Variants in MAEL observed in about 807,000 individuals in gnomAD.
MAEL encodes maelstrom spermatogenic transposon silencer.
A neutral mutation model predicts 62.0 loss-of-function variants in MAEL; 46 were observed. The ratio of observed to expected loss-of-function variants is 0.74; its 90% CI spans 0.59 to 0.95. The LOEUF (loss-of-function observed/expected upper bound fraction) is 0.95. Ranked by LOEUF, MAEL falls within the 40% of genes least tolerant of loss-of-function variation. MAEL has a pLI of 0.00. For missense variants in MAEL, 497 were observed against 526.8 expected, an observed-to-expected ratio of 0.94 and a Z score of 0.55; for synonymous variants, 172 against 175.5, an observed-to-expected ratio of 0.98 and a Z score of 0.16.
chr1:167,019,350 T>A (rs1009730443), intron 10 of MAEL, among the ~76,000 whole-genome samples: 2 of 152,138 alleles, frequency 1.3e-5, no homozygotes, highest in African/African-American at 4.8e-5. Flanking sequence ...TTAATCTCAA[T>A]AATGTGCCTT....
At chr1:166,997,492 A>C (rs1205229406) in intron 5 of MAEL, among the ~76,000 whole-genome samples, 1 of 151,858 alleles carries the variant, frequency 6.6e-6, no homozygotes, top group African/African-American at 2.4e-5. Flanking sequence ...TGTATTTTTT[A>C]CTCTCTTTAT....
Position 167,021,760 on chromosome 1 carries a change from TC to T in MAEL, c.1212del (p.Ser405AlafsTer39). On this transcript the variant is annotated frameshift_variant, in exon 12 of 12. Coordinates refer to ENST00000367872, the MANE Select transcript of MAEL (RefSeq NM_032858.3). LOFTEE classifies it high-confidence loss of function. ...TRLLESISNS[S>X]SNIHKFSNCD... ...CTTACTAGAGAGCATTTCCAATTCT[TC>T]CAGCAATATCCACAAATTCTCCAAC... 6.2e-7 allele frequency: 1 copy of T among 1,613,224 alleles called. No individual in the cohort carries two copies. The highest frequency in any genetic ancestry group is 8.5e-7 in the Non-Finnish European group (1 of 1,179,402).
chr1:166,977,449 A>G (rs574521500), intron 1 of MAEL, among the ~76,000 whole-genome samples: 1 of 152,284 alleles, frequency 6.6e-6, no homozygotes, highest in Non-Finnish European at 1.5e-5. Context: ...GCATTTAACT[A>G]ACTTCTCTAA....
intron 8 of MAEL, among the ~76,000 whole-genome samples, chr1:167,007,014 A>G (rs1305474938): frequency 2.6e-5 from 4 of 152,090 alleles, no homozygotes. Context: ...AAACTTTCAT[A>G]TACAAATTTT....
At chr1:167,002,199 C>T (rs1424751556) in intron 5 of MAEL, among the ~76,000 whole-genome samples, 1 of 152,052 alleles carries the variant, frequency 6.6e-6, no homozygotes, top group Non-Finnish European at 1.5e-5. Context: ...TGTTTTAGGA[C>T]TTTTCCATTT....
chr1:167,006,662 G>C (rs1241151402), intron 8 of MAEL, among the ~76,000 whole-genome samples: 1 of 125,522 alleles, frequency 8.0e-6, no homozygotes, highest in Non-Finnish European at 1.6e-5. Flanking sequence ...TTGAGACAGA[G>C]TCTTGCTGTA....
At chr1:167,011,845 A>AATGTCAAG (rs1665182488) in intron 8 of MAEL, among the ~76,000 whole-genome samples, 1 of 152,194 alleles carries the variant, frequency 6.6e-6, no homozygotes, top group South Asian at 2.1e-4. Context: ...TTTTGGTTAA[A>AATGTCAAG]ATGTCAAGAA....
At chr1:166,980,962 G>A (rs557356642) in intron 1 of MAEL, among the ~76,000 whole-genome samples, 5 of 152,288 alleles carry the variant, frequency 3.3e-5, no homozygotes, top group Admixed American at 3.3e-4. Flanking sequence ...CCTGGCATAG[G>A]TCAAAGACAG....
chr1:167,017,452 G>A (rs1024875761), intron 9 of MAEL, among the ~76,000 whole-genome samples: 12 of 152,124 alleles, frequency 7.9e-5, no homozygotes, highest in African/African-American at 2.9e-4. Flanking sequence ...CAGATAACCT[G>A]GGTGCTCTGG....
intron 5 of MAEL, among the ~76,000 whole-genome samples, chr1:166,994,869 G>T (rs1026035396): frequency 6.6e-6 from 1 of 151,222 alleles, no homozygotes; most frequent in African/African-American, 2.4e-5. Flanking sequence ...AGGGTTTCAC[G>T]ATGTTGGCCA....
intron 5 of MAEL, among the ~76,000 whole-genome samples, chr1:166,998,691 C>T (rs1664531295): frequency 6.6e-6 from 1 of 152,168 alleles, no homozygotes; most frequent in African/African-American, 2.4e-5. Flanking sequence ...CCTCTACATG[C>T]ACACCTTGTT....
In MAEL at chr1:167,020,390, C is replaced by T. The variant is rs180818395; in HGVS notation, c.1042-695C>T. Among the ~76,000 whole-genome samples the T allele has an allele frequency of 4.6e-5, 7 of 152,224 alleles. No individual in the cohort carries two copies. In the East Asian group the frequency reaches 9.7e-4, roughly 21 times the overall value. ...CCTCCTATGCCTGTGACACTAAATGCGGCTGGAAAGGAACTACCACGCTGA... is the reference window on the plus strand; with the variant it reads ...CCTCCTATGCCTGTGACACTAAATGTGGCTGGAAAGGAACTACCACGCTGA... On this transcript the variant is annotated intron_variant, in intron 10 of 11. Transcript: ENST00000367872.
intron 8 of MAEL, among the ~76,000 whole-genome samples, chr1:167,011,167 T>C (rs1315832588): frequency 1.3e-5 from 2 of 152,212 alleles, no homozygotes; most frequent in African/African-American, 2.4e-5. Flanking sequence ...TCTTAGGCTC[T>C]CCATTTTCTT....
At chr1:167,014,652 T>C (rs1244729250) in intron 8 of MAEL, among the ~76,000 whole-genome samples, 4 of 152,226 alleles carry the variant, frequency 2.6e-5, no homozygotes, top group African/African-American at 7.2e-5. Context: ...TCTGTGAAGA[T>C]AGAATTTCTT....
At chr1:166,986,240 T>C (rs1663908550), upstream of MAEL, among the ~76,000 whole-genome samples, 1 of 147,592 alleles carries the variant, frequency 6.8e-6, no homozygotes, top group African/African-American at 2.6e-5. Flanking sequence ...GGGATGGATA[T>C]GTTCATTATC....
At chr1:166,996,523 T>A (rs1664434047) in intron 5 of MAEL, among the ~76,000 whole-genome samples, 1 of 152,206 alleles carries the variant, frequency 6.6e-6, no homozygotes, top group African/African-American at 2.4e-5. Flanking sequence ...CAGAACAGAT[T>A]ATAACATTTA....
chr1:166,978,401 G>T (rs1487561019), intron 1 of MAEL, among the ~76,000 whole-genome samples: 3 of 152,130 alleles, frequency 2.0e-5, no homozygotes, highest in Non-Finnish European at 2.9e-5. Flanking sequence ...TATATGTAAT[G>T]ATTCAAAACA....
chr1:167,021,234 T>A, intron 11 of MAEL, 74 bp downstream of exon 11: 1 of 1,035,116 alleles, frequency 9.7e-7, no homozygotes, highest in South Asian at 1.4e-5. Context: ...AGGTGTGGTA[T>A]TTAAACAGTG....
chr1:167,016,585 C>CA lies in MAEL; in HGVS notation c.908+307dup, dbSNP rs1241344628. ...TATGGGGAACAGTTTGGACGTTCTC[C>CA]AAAAAACTAAAAATAGAGCTACCGT... On this transcript the variant is annotated intron_variant, in intron 9 of 11. Transcript: ENST00000367872. Among the ~76,000 whole-genome samples the CA allele has an allele frequency of 2.6e-5, 4 of 151,934 alleles. No individual in the cohort carries two copies. The South Asian group carries it at 6.2e-4, about 24-fold the overall frequency.
Sources: gnomAD v4.1 joint callset for allele counts (sites outside exome capture counted in the v4.1 genomes callset) on GRCh38, gnomAD v4.1.1 for gene constraint, MANE v1.5 for transcripts, NCBI Gene and HGNC (gene_info 2026-07-23, HGNC 2026-07-21) for gene names.